Variants in COL25A1 observed in about 807,000 individuals in gnomAD.
COL25A1 encodes the protein collagen alpha-1(XXV) chain.
Under a neutral mutation model 128.4 loss-of-function variants are expected in COL25A1, and 103 were observed. The ratio of observed to expected loss-of-function variants is 0.80; its 90% CI spans 0.68 to 0.94. The LOEUF (loss-of-function observed/expected upper bound fraction) is 0.94. Ranked by LOEUF, COL25A1 falls within the 40% of genes least tolerant of loss-of-function variation. COL25A1 has a pLI of 0.00. For missense variants in COL25A1, 745 were observed against 840.0 expected, an observed-to-expected ratio of 0.89 and a Z score of 1.40; for synonymous variants, 279 against 277.2, an observed-to-expected ratio of 1.01 and a Z score of -0.06.
chr4:108,974,258 T>C (rs1752209233), intron 8 of COL25A1, 109 bp downstream of exon 8: 2 of 1,155,588 alleles, frequency 1.7e-6, no homozygotes, highest in African/African-American at 3.1e-5. Context: ...TTGCCAGCCA[T>C]TACTGAACCA....
At chr4:109,153,151 C>T (rs1771677635) in intron 3 of COL25A1, among the ~76,000 whole-genome samples, 6 of 151,636 alleles carry the variant, frequency 4.0e-5, no homozygotes, top group Admixed American at 3.3e-4. Context: ...TTTGGGAGGC[C>T]GAGGTGGGTG....
intron 5 of COL25A1, among the ~76,000 whole-genome samples, chr4:109,033,923 A>T (rs1759099942): frequency 1.3e-5 from 2 of 152,158 alleles, no homozygotes; most frequent in African/African-American, 4.8e-5. Context: ...TTAATTAAAA[A>T]ATAGATTCCC....
intron 3 of COL25A1, among the ~76,000 whole-genome samples, chr4:109,176,679 C>T (rs1432757944): frequency 2.0e-5 from 3 of 152,160 alleles, no homozygotes; most frequent in African/African-American, 7.2e-5. Flanking sequence ...AAAAAAGGAT[C>T]TTTGCAGATG....
chr4:108,918,033 T>C, intron 13 of COL25A1, 139 bp downstream of exon 13: 1 of 447,322 alleles, frequency 2.2e-6, no homozygotes, highest in Non-Finnish European at 4.0e-6. Context: ...TGGTAATTTG[T>C]AGCACAATTT....
At chr4:109,057,206 T>C (rs1228132586) in intron 3 of COL25A1, among the ~76,000 whole-genome samples, 4 of 152,098 alleles carry the variant, frequency 2.6e-5, no homozygotes, top group African/African-American at 9.7e-5. Context: ...GCAAAGCATG[T>C]TATCTTTCTC....
chr4:108,898,183 G>C (rs751808896), intron 15 of COL25A1, among the ~76,000 whole-genome samples: 21 of 152,278 alleles, frequency 1.4e-4, no homozygotes, highest in Middle Eastern at 3.4e-3. Flanking sequence ...CTGGCTCAGA[G>C]TAATTGCAAA....
chr4:109,070,264 A>C (rs569773482), intron 3 of COL25A1, among the ~76,000 whole-genome samples: 3 of 151,544 alleles, frequency 2.0e-5, no homozygotes, highest in East Asian at 3.9e-4. Flanking sequence ...CAAAAAAAAA[A>C]CCCTCTCACT....
At chr4:109,071,372 A>T (rs1009952637) in intron 3 of COL25A1, among the ~76,000 whole-genome samples, 7 of 152,284 alleles carry the variant, frequency 4.6e-5, no homozygotes, top group Non-Finnish European at 8.8e-5. Context: ...AATACCATTC[A>T]GGACATAGGC....
intron 3 of COL25A1, among the ~76,000 whole-genome samples, chr4:109,056,070 A>T (rs993516092): frequency 6.6e-6 from 1 of 152,196 alleles, no homozygotes; most frequent in African/African-American, 2.4e-5. Context: ...ATTTCAGCTT[A>T]CAATAGCCAA....
At chr4:109,040,792 G>A (rs980502272) in intron 5 of COL25A1, among the ~76,000 whole-genome samples, 25 of 151,280 alleles carry the variant, frequency 1.7e-4, no homozygotes, top group Non-Finnish European at 3.4e-4. Context: ...CTTTAAAACC[G>A]AGGCATTCCT....
chr4:109,302,210 C>G lies in COL25A1; in HGVS notation c.-98G>C. The G allele has an allele frequency of 1.5e-6, 1 of 654,860 alleles. No homozygotes were observed. The highest frequency in any genetic ancestry group is 2.4e-6 in the Non-Finnish European group (1 of 410,590). 40.6% of individuals were successfully genotyped at this position (654,860 alleles called of 1,614,324 possible). ...GTCCAGACCCGCAGGCGTGCACCAT[C>G]CCCGCTTTCTTCTCTCCTCCCAGCT... On this transcript the variant is annotated 5_prime_UTR_variant, in exon 1 of 38. Transcript: ENST00000399132.
At position 108,985,181 on chromosome 4, in the gene COL25A1, A is replaced by G. The variant is rs138932360; in HGVS notation, c.439-10622T>C. The stretch of plus-strand genomic sequence containing the variant: ...CAACTACCACACTCCCAATCTTCAG[A>G]GTCTTCTGTACCTTCATCCTTCTCT... On this transcript the variant is annotated intron_variant, in intron 6 of 37. Coordinates refer to ENST00000399132, the MANE Select transcript of COL25A1 (RefSeq NM_198721.4). Among the ~76,000 whole-genome samples, 11 of 152,262 alleles carry G rather than the reference A, an allele frequency of 7.2e-5. No homozygotes were observed. The East Asian group carries it at 2.1e-3, about 29-fold the overall frequency.
chr4:109,057,527 C>T (rs542499297), intron 3 of COL25A1, among the ~76,000 whole-genome samples: 3 of 145,870 alleles, frequency 2.1e-5, no homozygotes, highest in South Asian at 2.2e-4. Flanking sequence ...GGTGACCTGC[C>T]GGCCTTTGCC....
intron 3 of COL25A1, among the ~76,000 whole-genome samples, chr4:109,275,343 G>C (rs143146523): frequency 6.6e-6 from 1 of 152,264 alleles, no homozygotes; most frequent in East Asian, 1.9e-4. Context: ...CTTCAACCCT[G>C]ACACTAAACA....
chr4:108,975,521 G>A (rs1752352868), intron 6 of COL25A1, among the ~76,000 whole-genome samples: 1 of 152,206 alleles, frequency 6.6e-6, no homozygotes, highest in South Asian at 2.1e-4. Context: ...TCTGCTGGGT[G>A]TATATCTAGA....
intron 3 of COL25A1, among the ~76,000 whole-genome samples, chr4:109,227,617 T>TTTTTTTTTTTTTTTTTTTTTTTTG (rs1778892176): frequency 6.6e-6 from 1 of 152,208 alleles, no homozygotes; most frequent in African/African-American, 2.4e-5. Flanking sequence ...TTTAAATTTT[T>TTTTTTTTTTTTTTTTTTTTTTTTG]ATCTTTCACC....
chr4:109,295,946 G>A (rs998263224), intron 3 of COL25A1, among the ~76,000 whole-genome samples: 26 of 151,896 alleles, frequency 1.7e-4, no homozygotes, highest in African/African-American at 5.3e-4. Context: ...CAAATGACTA[G>A]CTGTGTTACA....
intron 8 of COL25A1, among the ~76,000 whole-genome samples, chr4:108,966,169 G>C (rs1238604989): frequency 1.3e-5 from 2 of 152,156 alleles, no homozygotes; most frequent in African/African-American, 4.8e-5. Flanking sequence ...GTATTACTCA[G>C]TGACATACAG....
chr4:109,264,169 A>T (rs531689962), intron 3 of COL25A1, among the ~76,000 whole-genome samples: 1 of 152,346 alleles, frequency 6.6e-6, no homozygotes, highest in South Asian at 2.1e-4. Context: ...AAGAGGGTGA[A>T]GGCTCTCCAA....
Sources: allele counts gnomAD v4.1 joint callset (sites outside exome capture counted in the v4.1 genomes callset), GRCh38; gene constraint gnomAD v4.1.1; transcripts MANE v1.5; gene names NCBI Gene and HGNC (gene_info 2026-07-23, HGNC 2026-07-21).